The following MAPK10 variants were observed in gnomAD, a reference collection of about 807,000 sequenced individuals.
The protein encoded by MAPK10 is mitogen-activated protein kinase 10, also known as JNK3 alpha protein kinase.
In MAPK10, 25 loss-of-function variants were observed where a neutral mutation model predicts 59.3. That is an observed-to-expected ratio of 0.42 (90% CI 0.31 to 0.59). The LOEUF (loss-of-function observed/expected upper bound fraction) is 0.59. Among genes scored for constraint, MAPK10 ranks in the 20% least tolerant of loss-of-function variants. The probability of loss-of-function intolerance (pLI) is 0.15; values close to 1 mark genes in which losing one functional copy is unlikely to be tolerated. For synonymous variants in MAPK10, 190 were observed against 200.5 expected, an observed-to-expected ratio of 0.95 and a Z score of 0.44; for missense variants, 351 against 568.9, an observed-to-expected ratio of 0.62 and a Z score of 3.90.
rs2095365737 is a variant in MAPK10, at chr4:86,296,561, A to G, written c.-7+57969T>C. 2.0e-5 allele frequency among the ~76,000 whole-genome samples: 3 copies of G among 152,246 alleles called. No individual in the cohort carries two copies. In the South Asian group the frequency reaches 6.2e-4, roughly 32 times the overall value. On this transcript the variant is annotated intron_variant, in intron 2 of 13. Coordinates refer to ENST00000641462, the MANE Select transcript of MAPK10 (RefSeq NM_138982.4). ...GAAATGTTTTTAAAAATATGTATAT[A>G]GGAAAAAGCATAAAACAGTATTGAC...
chr4:86,491,441 G>A (rs888862569), intron 1 of MAPK10, among the ~76,000 whole-genome samples: 1 of 152,134 alleles, frequency 6.6e-6, no homozygotes, highest in African/African-American at 2.4e-5. Context: ...CCCAACCCCA[G>A]TTCTGAAGAT....
intron 9 of MAPK10, among the ~76,000 whole-genome samples, chr4:86,085,232 T>G (rs2149038078): frequency 6.6e-6 from 1 of 151,764 alleles, no homozygotes; most frequent in East Asian, 1.9e-4. Context: ...GCAACCAAAG[T>G]AAAAATGGAC....
intron 4 of MAPK10, among the ~76,000 whole-genome samples, chr4:86,143,780 A>G (rs1186238031): frequency 6.6e-6 from 1 of 152,256 alleles, no homozygotes; most frequent in Non-Finnish European, 1.5e-5. Context: ...ATCATTGCAT[A>G]TGAGGAAATA....
chr4:86,103,114 TGTG>T, intron 6 of MAPK10, 69 bp downstream of exon 6: 1 of 827,088 alleles, frequency 1.2e-6, no homozygotes, highest in Non-Finnish European at 2.1e-6. Context: ...TGTGTGTGTG[TGTG>T]GTGTGTGATT....
At chr4:86,306,923 C>A (rs925033541) in intron 2 of MAPK10, among the ~76,000 whole-genome samples, 6 of 152,128 alleles carry the variant, frequency 3.9e-5, no homozygotes, top group African/African-American at 1.4e-4. Flanking sequence ...ACTTTGAATT[C>A]TGGGTATTTT....
chr4:86,068,686 G>A (rs1211774953), intron 9 of MAPK10, among the ~76,000 whole-genome samples: 2 of 152,082 alleles, frequency 1.3e-5, no homozygotes, highest in East Asian at 3.8e-4. Flanking sequence ...TCCAAGTTTA[G>A]AAAGTACATT....
At chr4:86,541,896 G>A (rs1467735704) in intron 1 of MAPK10, among the ~76,000 whole-genome samples, 1 of 150,030 alleles carries the variant, frequency 6.7e-6, no homozygotes, top group Non-Finnish European at 1.5e-5. Context: ...AAGAAGCCCA[G>A]CTGATACAAA....
intron 1 of MAPK10, among the ~76,000 whole-genome samples, chr4:86,477,383 A>C (rs1000313422): frequency 7.2e-5 from 11 of 152,060 alleles, no homozygotes; most frequent in Non-Finnish European, 1.2e-4. Flanking sequence ...TGCTTCCCTG[A>C]CTATTCCTGG....
At chr4:86,551,851 T>A (rs920291522) in intron 1 of MAPK10, among the ~76,000 whole-genome samples, 1 of 152,140 alleles carries the variant, frequency 6.6e-6, no homozygotes, top group African/African-American at 2.4e-5. Flanking sequence ...GTGATCCACC[T>A]GCCTCAGCCT....
At chr4:86,535,012 C>T (rs77178329) in intron 1 of MAPK10, among the ~76,000 whole-genome samples, 4,477 of 152,236 alleles carry the variant, frequency 0.029, 224 homozygotes, top group African/African-American at 0.1. Context: ...AAGGATAAAA[C>T]GTCTGACCCT....
intron 2 of MAPK10, among the ~76,000 whole-genome samples, chr4:86,331,644 C>T (rs7677400): frequency 0.88 from 134,030 of 152,192 alleles, 59,066 homozygotes; most frequent in South Asian, 0.94. Flanking sequence ...AAAAGAAAAA[C>T]GTTCTCAGTT....
intron 1 of MAPK10, among the ~76,000 whole-genome samples, chr4:86,412,715 G>A (rs1190947609): frequency 6.6e-6 from 1 of 152,036 alleles, no homozygotes; most frequent in Non-Finnish European, 1.5e-5. Flanking sequence ...TTGTGCATGT[G>A]TCACAAAGTT....
chr4:86,371,432 T>C (rs1349675254), intron 1 of MAPK10, among the ~76,000 whole-genome samples: 1 of 152,176 alleles, frequency 6.6e-6, no homozygotes, highest in Middle Eastern at 3.2e-3. Context: ...CCTTATTTTA[T>C]ATACAAGAAA....
intron 2 of MAPK10, among the ~76,000 whole-genome samples, chr4:86,342,634 C>T (rs1395506894): frequency 6.6e-6 from 1 of 152,170 alleles, no homozygotes; most frequent in Non-Finnish European, 1.5e-5. Flanking sequence ...AGCTAAAGGA[C>T]CTGTGCATAA....
intron 1 of MAPK10, among the ~76,000 whole-genome samples, chr4:86,388,992 T>G (rs903613518): frequency 1.3e-5 from 2 of 152,192 alleles, no homozygotes; most frequent in African/African-American, 4.8e-5. Context: ...ATTCAATATG[T>G]GATATGGTTC....
chr4:86,237,937 G>A (rs2092400601), intron 2 of MAPK10, among the ~76,000 whole-genome samples: 1 of 152,054 alleles, frequency 6.6e-6, no homozygotes, highest in Non-Finnish European at 1.5e-5. Flanking sequence ...TGTCCTGAAT[G>A]GTATTGCCTA....
chr4:86,275,762 T>C (rs2094558062), intron 2 of MAPK10, among the ~76,000 whole-genome samples: 1 of 152,126 alleles, frequency 6.6e-6, no homozygotes, highest in South Asian at 2.1e-4. Context: ...TATATCCATT[T>C]TGAGTTTTAG....
At chr4:86,115,040 A>G (rs1352646968) in intron 4 of MAPK10, among the ~76,000 whole-genome samples, 1 of 152,140 alleles carries the variant, frequency 6.6e-6, no homozygotes, top group Admixed American at 6.5e-5. Flanking sequence ...AAAATGGCCA[A>G]CTGGAGTTGC....
intron 1 of MAPK10, among the ~76,000 whole-genome samples, chr4:86,523,863 A>G (rs907195702): frequency 2.0e-5 from 3 of 152,128 alleles, no homozygotes; most frequent in African/African-American, 7.2e-5. Flanking sequence ...TTCTCTATCT[A>G]CGCTTGGCTT....
Sources: gnomAD v4.1 joint callset for allele counts (sites outside exome capture counted in the v4.1 genomes callset) on GRCh38, gnomAD v4.1.1 for gene constraint, MANE v1.5 for transcripts, NCBI Gene and HGNC (gene_info 2026-07-23, HGNC 2026-07-21) for gene names.